OR6N1: variants seen among roughly 807,000 people sequenced by gnomAD.
OR6N1 encodes the protein olfactory receptor family 6 subfamily N member 1.
For missense variants in OR6N1, 394 were observed against 371.7 expected, an observed-to-expected ratio of 1.06 and a Z score of -0.49; for synonymous variants, 170 against 150.7, an observed-to-expected ratio of 1.13 and a Z score of -0.94.
chr1:158,779,966 T>G, the OR6N1 span, among the ~76,000 whole-genome samples: 2 of 152,246 alleles, frequency 1.3e-5, no homozygotes. Context: ...TCCCTGCTGA[T>G]GCCTGGAACA....
At chr1:158,818,872 T>C in the OR6N1 span, among the ~76,000 whole-genome samples, 2 of 152,196 alleles carry the variant, frequency 1.3e-5, no homozygotes, top group Non-Finnish European at 2.9e-5. Context: ...AGGACATGGG[T>C]ACCTCAGTAT....
chr1:158,766,393 C>T lies in OR6N1; in HGVS notation c.290G>A (p.Cys97Tyr). Residue 97 changes from cysteine to tyrosine, a missense_variant, in exon 2 of 2, where the codon TGT becomes TAT. Coordinates refer to ENST00000641846, the MANE Select transcript of OR6N1 (RefSeq NM_001005185.2). ...GTGAAAGAAATAGATCTGCAGGAGACACCCAGAGAATGAAATGGTCTTTTT... is the reference window on the plus strand; with the variant it reads ...GTGAAAGAAATAGATCTGCAGGAGATACCCAGAGAATGAAATGGTCTTTTT... ...SEKKTISFSG[C>Y]LLQIYFFHSL... is the part of the protein sequence containing the mutation. The T allele has an allele frequency of 1.2e-6, 2 of 1,614,142 alleles. No individual in the cohort carries two copies. The highest frequency in any genetic ancestry group is 1.3e-5 in the African/African-American group (1 of 75,016).
At chr1:158,791,126 T>C in the OR6N1 span, among the ~76,000 whole-genome samples, 1 of 152,232 alleles carries the variant, frequency 6.6e-6, no homozygotes, top group South Asian at 2.1e-4. Flanking sequence ...AACTTGATCA[T>C]GTCAAATTAC....
At chr1:158,818,772 T>A in the OR6N1 span, among the ~76,000 whole-genome samples, 1 of 152,184 alleles carries the variant, frequency 6.6e-6, no homozygotes, top group Admixed American at 6.5e-5. Context: ...CCTTACCCAG[T>A]CTAGATTTTT....
At chr1:158,790,575 T>C in the OR6N1 span, among the ~76,000 whole-genome samples, 1 of 151,932 alleles carries the variant, frequency 6.6e-6, no homozygotes, top group African/African-American at 2.4e-5. Context: ...TGGCTAATTT[T>C]TTGTATTTTT....
At chr1:158,837,730 A>T in the OR6N1 span, among the ~76,000 whole-genome samples, 1 of 151,984 alleles carries the variant, frequency 6.6e-6, no homozygotes, top group East Asian at 1.9e-4. Flanking sequence ...CTAATTATTG[A>T]TAAGGAAGAA....
the OR6N1 span, among the ~76,000 whole-genome samples, chr1:158,797,103 G>A: frequency 6.6e-6 from 1 of 152,182 alleles, no homozygotes; most frequent in Non-Finnish European, 1.5e-5. Context: ...ACTCTAATTT[G>A]GCAACTCCTT....
Position 158,765,712 on chromosome 1 carries a change from A to T in OR6N1, c.*32T>A, listed in dbSNP as rs764855152. On this transcript the variant is annotated 3_prime_UTR_variant, in exon 2 of 2. Transcript: ENST00000641846. The stretch of plus-strand genomic sequence containing the variant: ...TGATCCCTGGGGCCACCATATCCTC[A>T]GGCCCGGCCTTGGCCTACTCTCAGC... 3.2e-6 allele frequency: 5 copies of T among 1,553,112 alleles called. No homozygotes were observed. The highest frequency in any genetic ancestry group is 1.7e-4 in the Middle Eastern group (1 of 5,874).
chr1:158,829,680 A>T, the OR6N1 span, among the ~76,000 whole-genome samples: 1 of 152,168 alleles, frequency 6.6e-6, no homozygotes, highest in South Asian at 2.1e-4. Context: ...AGTTGCTTCC[A>T]CATTTTCTGG....
At chr1:158,832,306 G>A in the OR6N1 span, among the ~76,000 whole-genome samples, 1 of 151,826 alleles carries the variant, frequency 6.6e-6, no homozygotes, top group Admixed American at 6.6e-5. Flanking sequence ...ATAAACGTTG[G>A]ATTCCAAATT....
chr1:158,838,280 T>C, the OR6N1 span, among the ~76,000 whole-genome samples: 1 of 152,050 alleles, frequency 6.6e-6, no homozygotes, highest in African/African-American at 2.4e-5. Context: ...ATAGTGGTAA[T>C]GAAATCCTTC....
At chr1:158,783,921 AAGGT>A in the OR6N1 span, among the ~76,000 whole-genome samples, 3 of 152,298 alleles carry the variant, frequency 2.0e-5, no homozygotes, top group African/African-American at 7.2e-5. Flanking sequence ...CCTGGCTAAC[AAGGT>A]GAAAACCGGT....
At chr1:158,835,251 G>C in the OR6N1 span, among the ~76,000 whole-genome samples, 1 of 152,026 alleles carries the variant, frequency 6.6e-6, no homozygotes, top group Admixed American at 6.5e-5. Context: ...TCTAACCCCT[G>C]GACACAGATG....
the OR6N1 span, among the ~76,000 whole-genome samples, chr1:158,838,357 C>G: frequency 6.6e-6 from 1 of 151,988 alleles, no homozygotes. Flanking sequence ...CCAGATATAG[C>G]ATTTTTGATG....
rs759022339 is a variant in OR6N1 at position 158,765,961 on chromosome 1, C to A, written c.722G>T (p.Cys241Phe). 2 of 1,614,062 alleles carry A rather than the reference C, an allele frequency of 1.2e-6. No individual in the cohort carries two copies. The highest frequency in any genetic ancestry group is 2.2e-5 in the South Asian group (2 of 91,084). The change falls in exon 2 of 2, where the codon TGT becomes TTT. Residue 241 changes from cysteine (C) to phenylalanine (F), a missense_variant. By Grantham distance (205) the Cys-to-Phe change is radical. Transcript: ENST00000641846. ...GAGAACCACAGTGAAGTGGGAGGCA[C>A]ACGTGGAGATGGCCTTCCTCTTGCC... ...AAGKRKAIST[C>F]ASHFTVVLIF...
chr1:158,786,559 C>T, the OR6N1 span, among the ~76,000 whole-genome samples: 2 of 152,148 alleles, frequency 1.3e-5, no homozygotes, highest in South Asian at 4.1e-4. Flanking sequence ...TTTGTAGCAG[C>T]ACGATTTGCA....
At chr1:158,791,368 G>A in the OR6N1 span, among the ~76,000 whole-genome samples, 1 of 151,938 alleles carries the variant, frequency 6.6e-6, no homozygotes, top group African/African-American at 2.4e-5. Flanking sequence ...TCATTCAGGA[G>A]CAGATTAATT....
chr1:158,813,388 T>G, the OR6N1 span, among the ~76,000 whole-genome samples: 2 of 152,150 alleles, frequency 1.3e-5, no homozygotes, highest in African/African-American at 4.8e-5. Context: ...ATGGGAGATT[T>G]GTTAAATCTC....
the OR6N1 span, among the ~76,000 whole-genome samples, chr1:158,810,829 G>A: frequency 1.3e-5 from 2 of 152,114 alleles, no homozygotes; most frequent in Non-Finnish European, 2.9e-5. Flanking sequence ...AATAATATGT[G>A]TGTCCATTTT....
Sources: gnomAD v4.1 joint callset for allele counts (sites outside exome capture counted in the v4.1 genomes callset) on GRCh38, gnomAD v4.1.1 for gene constraint, MANE v1.5 for transcripts, NCBI Gene and HGNC (gene_info 2026-07-23, HGNC 2026-07-21) for gene names.